The following PDE3B variants were observed in gnomAD, a reference collection of about 807,000 sequenced individuals.
PDE3B encodes the protein cGMP-inhibited 3',5'-cyclic phosphodiesterase 3B.
A neutral mutation model predicts 116.8 loss-of-function variants in PDE3B; 66 were observed. The observed-to-expected ratio is 0.56, with a 90% CI of 0.46 to 0.69. The LOEUF (loss-of-function observed/expected upper bound fraction) is 0.69, where lower values mean the gene tolerates loss of function less well. Ranked by LOEUF, PDE3B falls within the 30% of genes least tolerant of loss-of-function variation. The probability of loss-of-function intolerance (pLI) is 0.00; values close to 1 mark genes in which losing one functional copy is unlikely to be tolerated. For synonymous variants in PDE3B, 595 were observed against 533.6 expected, an observed-to-expected ratio of 1.12 and a Z score of -1.59; for missense variants, 1,384 against 1,368.1, an observed-to-expected ratio of 1.01 and a Z score of -0.18.
intron 1 of PDE3B, among the ~76,000 whole-genome samples, chr11:14,703,838 A>G (rs1422433906): frequency 6.6e-6 from 1 of 151,462 alleles, no homozygotes; most frequent in Non-Finnish European, 1.5e-5. Flanking sequence ...AAAACACCTT[A>G]AATGTAGTTT....
chr11:14,824,999 AT>A (rs1004418093), intron 7 of PDE3B, among the ~76,000 whole-genome samples: 37 of 151,888 alleles, frequency 2.4e-4, no homozygotes, highest in Non-Finnish European at 4.3e-4. Flanking sequence ...AAAAAAAAAA[AT>A]CTTCAAGAAT....
intron 1 of PDE3B, among the ~76,000 whole-genome samples, chr11:14,647,619 A>G (rs1465502325): frequency 6.6e-6 from 1 of 151,978 alleles, no homozygotes; most frequent in Non-Finnish European, 1.5e-5. Context: ...AATATCCTGT[A>G]TATTTTGGAT....
chr11:14,831,379 T>C (rs940060906), intron 8 of PDE3B, among the ~76,000 whole-genome samples: 1 of 151,958 alleles, frequency 6.6e-6, no homozygotes, highest in South Asian at 2.1e-4. Flanking sequence ...TGTAGTAATT[T>C]GGAAATATAA....
At chr11:14,883,902 T>G in the PDE3B span, among the ~76,000 whole-genome samples, 1 of 152,124 alleles carries the variant, frequency 6.6e-6, no homozygotes, top group African/African-American at 2.4e-5. Flanking sequence ...AAAGAAGACA[T>G]TTATGCAGCC....
chr11:14,819,046 G>A lies in PDE3B; in HGVS notation c.1734-90G>A, dbSNP rs958597119. On this transcript the variant is annotated intron_variant, in intron 6 of 15. Transcript: ENST00000282096. Reference sequence around the variant, plus strand: ...TAGGATGCGTTGCAGTTGGGATCTTGGTTAAAAATTAAACAGATTTTCTAA... The same window carrying A: ...TAGGATGCGTTGCAGTTGGGATCTTAGTTAAAAATTAAACAGATTTTCTAA... The A allele has an allele frequency of 7.4e-5, 56 of 759,366 alleles. 1 individual carries two copies. In the East Asian group the frequency reaches 1.4e-3, roughly 19 times the overall value. The allele number at this position is 759,366 out of a possible 1,614,324, so 47.0% of individuals were successfully genotyped here.
chr11:14,828,444 C>G (rs1022657152), intron 7 of PDE3B, among the ~76,000 whole-genome samples: 1 of 152,022 alleles, frequency 6.6e-6, no homozygotes, highest in Non-Finnish European at 1.5e-5. Flanking sequence ...TAATATCCAG[C>G]ACCTACAAGG....
At chr11:14,712,431 G>A (rs1357832226) in intron 1 of PDE3B, among the ~76,000 whole-genome samples, 2 of 137,678 alleles carry the variant, frequency 1.5e-5, no homozygotes, top group East Asian at 4.4e-4. Flanking sequence ...TTTACCTGGA[G>A]TTTGGAAAAG....
At chr11:14,645,098 G>A in intron 1 of PDE3B, 45 bp downstream of exon 1, 2 of 1,432,114 alleles carry the variant, frequency 1.4e-6, no homozygotes, top group Non-Finnish European at 1.9e-6. Flanking sequence ...GCGGGTTCGG[G>A]TTTACCGCTG....
the PDE3B span, chr11:14,879,346 A>T: frequency 6.2e-7 from 1 of 1,612,556 alleles, no homozygotes; most frequent in East Asian, 2.2e-5. Context: ...TTAAAACTTC[A>T]TGCAAAACTG....
rs936379319 is a variant in PDE3B, at chr11:14,661,524, G to A, written c.978+16471G>A. 2.6e-5 allele frequency among the ~76,000 whole-genome samples: 4 copies of A among 152,218 alleles called. 1 individual carries two copies. The highest frequency in any genetic ancestry group is 4.1e-4 in the South Asian group (2 of 4,836). ...TGAGGCATTGCCTCACTCGGGAAGC[G>A]CAAGGGGTCAGGGAGTTCCCTTTCC... is the stretch of plus-strand genomic sequence containing the variant. On this transcript the variant is annotated intron_variant, in intron 1 of 15. Coordinates refer to ENST00000282096, the MANE Select transcript of PDE3B (RefSeq NM_000922.4).
intron 1 of PDE3B, among the ~76,000 whole-genome samples, chr11:14,660,128 AC>A (rs1253100705): frequency 6.6e-6 from 1 of 152,168 alleles, no homozygotes; most frequent in Non-Finnish European, 1.5e-5. Flanking sequence ...CTTGGCTGTA[AC>A]CCTAAGAGCC....
intron 2 of PDE3B, among the ~76,000 whole-genome samples, chr11:14,777,614 G>A (rs1277591215): frequency 6.6e-6 from 1 of 152,148 alleles, no homozygotes; most frequent in East Asian, 1.9e-4. Context: ...TGAAGAGGTG[G>A]AAGAAAATGG....
At chr11:14,656,962 T>A (rs922856613) in intron 1 of PDE3B, among the ~76,000 whole-genome samples, 1 of 152,218 alleles carries the variant, frequency 6.6e-6, no homozygotes, top group Non-Finnish European at 1.5e-5. Context: ...GGGGAAATTC[T>A]TTCAACAGTG....
intron 1 of PDE3B, among the ~76,000 whole-genome samples, chr11:14,759,253 G>A (rs889437873): frequency 2.2e-4 from 33 of 152,060 alleles, no homozygotes; most frequent in African/African-American, 4.8e-4. Flanking sequence ...GTCTCTGCCC[G>A]GCTTTGGTAT....
chr11:14,706,556 A>G (rs558513945), intron 1 of PDE3B, among the ~76,000 whole-genome samples: 3 of 152,092 alleles, frequency 2.0e-5, no homozygotes, highest in Non-Finnish European at 2.9e-5. Context: ...TGTCATCATC[A>G]TGGTCATATT....
rs545444139 is a variant in PDE3B at position 14,684,316 on chromosome 11, G to A, written c.978+39263G>A. 7.9e-5 allele frequency among the ~76,000 whole-genome samples: 12 copies of A among 152,170 alleles called. No individual in the cohort carries two copies. In the South Asian group the frequency reaches 1.9e-3, roughly 24 times the overall value. ...GCCTCTGGGGATGACATCACGTATC[G>A]GTAGGACCATGATGCCTACCTGAGC... On this transcript the variant is annotated intron_variant, in intron 1 of 15. Transcript: ENST00000282096.
At chr11:14,703,574 A>G (rs1355162414) in intron 1 of PDE3B, among the ~76,000 whole-genome samples, 1 of 151,760 alleles carries the variant, frequency 6.6e-6, no homozygotes, top group African/African-American at 2.4e-5. Context: ...GTCTATTTGC[A>G]TAAGAGATCT....
Position 14,819,161 on chromosome 11 carries a change from G to T in PDE3B, c.1759G>T (p.Val587Phe). Reference protein sequence around the residue: ...NSCGHQMLKYVSTSESDGTDC... With the variant: ...NSCGHQMLKYFSTSESDGTDC... ...CTGTGGACATCAAATGCTGAAATAT[G>T]TTTCAACATCTGAATCAGATGGTAC... Residue 587 changes from valine to phenylalanine, a missense_variant, in exon 7 of 16, where the codon GTT becomes TTT. Coordinates refer to ENST00000282096, the MANE Select transcript of PDE3B (RefSeq NM_000922.4). 2 of 1,596,174 alleles carry T rather than the reference G, an allele frequency of 1.3e-6. 1 individual carries two copies. Among genetic ancestry groups the T allele is most frequent in the South Asian group, 2.2e-5 (2 of 89,208 alleles).
At chr11:14,721,082 AAAAC>A (rs1314046886) in intron 1 of PDE3B, among the ~76,000 whole-genome samples, 11 of 145,644 alleles carry the variant, frequency 7.6e-5, no homozygotes, top group South Asian at 2.3e-4. Context: ...TTACAAGAAA[AAAAC>A]AAACAACCCC....
Sources: gnomAD v4.1 joint callset for allele counts (sites outside exome capture counted in the v4.1 genomes callset) on GRCh38, gnomAD v4.1.1 for gene constraint, MANE v1.5 for transcripts, NCBI Gene and HGNC (gene_info 2026-07-23, HGNC 2026-07-21) for gene names.